Variants in MAPT observed in about 807,000 individuals in gnomAD.
The protein encoded by MAPT is microtubule-associated protein tau.
A neutral mutation model predicts 67.9 loss-of-function variants in MAPT; 34 were observed. The observed-to-expected ratio is 0.50, with a 90% confidence interval of 0.38 to 0.67. The LOEUF is 0.67. Among genes scored for constraint, MAPT ranks in the 30% least tolerant of loss-of-function variants. The pLI is 0.00. For synonymous variants in MAPT, 456 were observed against 464.5 expected, an observed-to-expected ratio of 0.98 and a Z score of 0.23; for missense variants, 881 against 1,115.2, an observed-to-expected ratio of 0.79 and a Z score of 2.99.
intron 12 of MAPT, among the ~76,000 whole-genome samples, chr17:46,019,298 AG>A (rs138411061): frequency 0.14 from 21,742 of 152,158 alleles, 1,874 homozygotes; most frequent in East Asian, 0.47. Flanking sequence ...CCCATGATTC[AG>A]TTACCTCCCA....
intron 1 of MAPT, among the ~76,000 whole-genome samples, chr17:45,920,735 G>A (rs533014210): frequency 4.6e-4 from 70 of 152,238 alleles, no homozygotes; most frequent in African/African-American, 1.5e-3. Flanking sequence ...CTCCTTAGCC[G>A]TCCCTAACCA....
intron 1 of MAPT, among the ~76,000 whole-genome samples, chr17:45,953,440 C>T (rs918466401): frequency 6.6e-6 from 1 of 152,222 alleles, no homozygotes; most frequent in East Asian, 1.9e-4. Flanking sequence ...ATCAGAAGGT[C>T]CATGAACCTA....
intron 3 of MAPT, among the ~76,000 whole-genome samples, chr17:45,972,353 G>T (rs763186646): frequency 6.6e-6 from 1 of 152,162 alleles, no homozygotes; most frequent in Non-Finnish European, 1.5e-5. Context: ...CTTCATTTTG[G>T]GGGCTCTGGG....
At chr17:45,926,262 A>G (rs922508931) in intron 1 of MAPT, among the ~76,000 whole-genome samples, 1 of 152,004 alleles carries the variant, frequency 6.6e-6, no homozygotes, top group African/African-American at 2.4e-5. Context: ...ACATAACTAT[A>G]TAATCCTTAC....
At chr17:45,956,563 TATATATATATATATATATATATATATA>T (rs1457339107) in intron 1 of MAPT, among the ~76,000 whole-genome samples, 3 of 1,186 alleles carry the variant, frequency 2.5e-3, no homozygotes, top group South Asian at 0.016. Flanking sequence ...TATATATATA[TATATATATATATATATATATATATATA>T]TATATATATA....
At chr17:45,988,544 A>C (rs1418460162) in intron 6 of MAPT, among the ~76,000 whole-genome samples, 1 of 151,916 alleles carries the variant, frequency 6.6e-6, no homozygotes, top group Non-Finnish European at 1.5e-5. Flanking sequence ...GCGTGCAGAC[A>C]CCCGTCCCTG....
intron 1 of MAPT, among the ~76,000 whole-genome samples, chr17:45,945,618 G>A (rs1352092558): frequency 6.6e-6 from 1 of 152,110 alleles, no homozygotes. Context: ...TTCGAGACCA[G>A]CCTGGCCAAC....
rs958912275 is a variant in MAPT at position 46,010,157 on chromosome 17, G to A, written c.1999-153G>A. On this transcript the variant is annotated intron_variant, in intron 9 of 12. Transcript: ENST00000262410. This position sits in a 1 kb window ranked among gnomAD's most constrained non-coding sequence, Gnocchi z 4.7. The stretch of plus-strand genomic sequence containing the variant: ...TCAACCTCCCGTCACTCCCCAGACT[G>A]CCTCTGCCAAGTCCGAAAGTGGAGG... Among the ~76,000 whole-genome samples, 14 of 152,154 alleles carry A rather than the reference G, an allele frequency of 9.2e-5. No homozygotes were observed. Among genetic ancestry groups the A allele is most frequent in the African/African-American group, 3.4e-4 (14 of 41,424 alleles).
intron 3 of MAPT, chr17:45,974,138 G>A (rs1475041378): frequency 3.5e-6 from 2 of 567,316 alleles, no homozygotes; most frequent in Non-Finnish European, 3.2e-6. Flanking sequence ...GTTTACACAG[G>A]GCTGCCGGGC....
chr17:45,898,359 GC>G (rs1414091859), intron 1 of MAPT: 2 of 152,212 alleles, frequency 1.3e-5, no homozygotes, highest in African/African-American at 4.8e-5. Flanking sequence ...AATGGATACT[GC>G]CCATAAATTG....
At chr17:45,904,255 T>TTA (rs2064070411) in intron 1 of MAPT, among the ~76,000 whole-genome samples, 1 of 50,750 alleles carries the variant, frequency 2.0e-5, no homozygotes, top group Non-Finnish European at 3.7e-5. Context: ...ATATTATATA[T>TTA]TATATATTAT....
At chr17:45,909,082 G>A (rs967469014) in intron 1 of MAPT, among the ~76,000 whole-genome samples, 3 of 152,188 alleles carry the variant, frequency 2.0e-5, no homozygotes, top group South Asian at 4.1e-4. Context: ...TGCAGAGTGC[G>A]GGCACCTTGG....
At chr17:45,965,646 C>T (rs1007125538) in intron 2 of MAPT, among the ~76,000 whole-genome samples, 12 of 151,834 alleles carry the variant, frequency 7.9e-5, no homozygotes, top group Admixed American at 1.3e-4. Context: ...GGACTCCTGA[C>T]CTCAGGTAAT....
In MAPT at chr17:45,989,960, CTCTGA is replaced by C; in HGVS notation, c.1493_1497del (p.Leu498ProfsTer16). 6.2e-7 allele frequency: 1 copy of C among 1,614,180 alleles called. No homozygotes were observed. The highest frequency in any genetic ancestry group is 8.5e-7 in the Non-Finnish European group (1 of 1,180,028). On this transcript the variant is annotated frameshift_variant, in exon 7 of 13. Transcript: ENST00000262410. LOFTEE classifies it high-confidence loss of function. Reference sequence around the variant, plus strand: ...CACCCCACTCCTGGTAGCTCAGACCCTCTGATCCAACCCTCCAGCCCTGCTGTGTG... The same window carrying C: ...CACCCCACTCCTGGTAGCTCAGACCCTCCAACCCTCCAGCCCTGCTGTGTG...
intron 4 of MAPT, among the ~76,000 whole-genome samples, chr17:45,981,925 T>C (rs1209114613): frequency 6.9e-6 from 1 of 145,974 alleles, no homozygotes; most frequent in Non-Finnish European, 1.5e-5. Context: ...GAGGGTGAGA[T>C]GGGAGGGTTG....
intron 5 of MAPT, among the ~76,000 whole-genome samples, chr17:45,984,386 C>A (rs997168572): frequency 1.3e-5 from 2 of 152,220 alleles, no homozygotes; most frequent in African/African-American, 2.4e-5. Flanking sequence ...TGCCGAAGGC[C>A]AATGAGTAGT....
At chr17:45,975,100 T>A (rs1391301261) in intron 3 of MAPT, 1 of 152,630 alleles carries the variant, frequency 6.6e-6, no homozygotes, top group East Asian at 1.9e-4. Context: ...CACCCAAGAG[T>A]GGCTCAGCCC....
chr17:45,965,112 C>T (rs763392267), intron 2 of MAPT, among the ~76,000 whole-genome samples: 2 of 152,162 alleles, frequency 1.3e-5, no homozygotes, highest in Admixed American at 6.5e-5. Flanking sequence ...CCTATCCCAG[C>T]GCATCTGTTC....
chr17:45,901,961 A>G (rs1301817945), intron 1 of MAPT, among the ~76,000 whole-genome samples: 2 of 151,334 alleles, frequency 1.3e-5, no homozygotes, highest in Middle Eastern at 3.4e-3. Flanking sequence ...TTGATAGTAA[A>G]TATTACTCAC....
Sources: gnomAD v4.1 joint callset for allele counts (sites outside exome capture counted in the v4.1 genomes callset) on GRCh38, gnomAD v4.1.1 for gene constraint, Gnocchi (gnomAD v3.1) non-coding constraint, MANE v1.5 for transcripts, NCBI Gene and HGNC (gene_info 2026-07-23, HGNC 2026-07-21) for gene names.